The following LRGUK variants were observed in gnomAD, a reference collection of about 807,000 sequenced individuals.
The protein encoded by LRGUK is leucine-rich repeat and guanylate kinase domain-containing protein.
In LRGUK, 65 loss-of-function variants were observed where a neutral mutation model predicts 76.0. The observed-to-expected ratio is 0.85, with a 90% CI of 0.70 to 1.05. The LOEUF is 1.05. Ranked by LOEUF, LRGUK falls within the 50% of genes least tolerant of loss-of-function variation. The probability of loss-of-function intolerance (pLI) is 0.00; values close to 1 mark genes in which losing one functional copy is unlikely to be tolerated. For missense variants in LRGUK, 758 were observed against 732.8 expected, an observed-to-expected ratio of 1.03 and a Z score of -0.40; for synonymous variants, 268 against 265.6, an observed-to-expected ratio of 1.01 and a Z score of -0.09.
chr7:134,249,922 C>T (rs1585601349), intron 18 of LRGUK, among the ~76,000 whole-genome samples: 1 of 152,276 alleles, frequency 6.6e-6, no homozygotes, highest in South Asian at 2.1e-4. Flanking sequence ...TACGGGGTGC[C>T]TCTCTTGGGT....
intron 15 of LRGUK, among the ~76,000 whole-genome samples, chr7:134,217,397 A>G (rs1198354436): frequency 1.3e-5 from 2 of 152,150 alleles, no homozygotes; most frequent in Non-Finnish European, 2.9e-5. Context: ...TCCTTTGATT[A>G]GACACTCAAG....
intron 6 of LRGUK, among the ~76,000 whole-genome samples, chr7:134,160,131 A>C (rs1169194338): frequency 6.6e-6 from 1 of 152,120 alleles, no homozygotes; most frequent in Admixed American, 6.5e-5. Context: ...GTTCCCATTC[A>C]TTTAAAGTGG....
rs796130029 is a variant in LRGUK at position 134,215,990 on chromosome 7, GA to G, written c.1844-5786del. ...CTTTTTATTACAGATTGTAACCTTA[GA>G]AATTCATTATTGCAAACAACACTAA... On this transcript the variant is annotated intron_variant, in intron 15 of 19. Coordinates refer to the LRGUK transcript ENST00000285928. 2.1e-4 allele frequency among the ~76,000 whole-genome samples: 32 copies of G among 152,244 alleles called. 1 individual carries two copies. The highest frequency in any genetic ancestry group is 7.5e-4 in the African/African-American group (31 of 41,558).
chr7:134,150,479 C>CAAAAAAA (rs11403705), intron 5 of LRGUK, among the ~76,000 whole-genome samples: 10 of 134,428 alleles, frequency 7.4e-5, no homozygotes, highest in Middle Eastern at 4.0e-3. Context: ...AACAAGCAAA[C>CAAAAAAA]AAAAAAAAAA....
chr7:134,139,525 A>G lies in LRGUK; in HGVS notation c.487+8A>G. The G allele has an allele frequency of 6.4e-7, 1 of 1,566,098 alleles. No individual in the cohort carries two copies. The highest frequency in any genetic ancestry group is 8.8e-7 in the Non-Finnish European group (1 of 1,137,704). ...CAGCGAATAAAATTGAAGGTATGTAATTGTCATTCTAGATTGATCACTGAA... is the reference window on the plus strand; with the variant it reads ...CAGCGAATAAAATTGAAGGTATGTAGTTGTCATTCTAGATTGATCACTGAA... On this transcript the variant is annotated splice_region_variant and intron_variant, in intron 3 of 15. Transcript: ENST00000645682.
intron 16 of LRGUK, among the ~76,000 whole-genome samples, chr7:134,245,756 A>T (rs1474993167): frequency 1.3e-5 from 2 of 152,208 alleles, no homozygotes; most frequent in Non-Finnish European, 2.9e-5. Context: ...CTATAAAGTG[A>T]TTCCCAGCAA....
rs779998603 is a variant in LRGUK at position 134,178,504 on chromosome 7, T to A, written c.1109T>A (p.Val370Asp). 1.9e-6 allele frequency: 3 copies of A among 1,608,512 alleles called. No homozygotes were observed. The highest frequency in any genetic ancestry group is 1.7e-6 in the Non-Finnish European group (2 of 1,177,780). The stretch of plus-strand genomic sequence containing the variant: ...TTTACATCTCTAATTCTGGAAAAGG[T>A]TTCAGCAGTGAATAAATATGATCCT... The change falls in exon 10 of 16, where the codon GTT (valine) becomes GAT (aspartate). Residue 370 changes from valine to aspartate, a missense_variant and splice_region_variant. Coordinates refer to ENST00000645682, the Ensembl canonical transcript of LRGUK.
intron 13 of LRGUK, among the ~76,000 whole-genome samples, chr7:134,197,427 C>G (rs548642883): frequency 7.2e-5 from 11 of 152,168 alleles, no homozygotes; most frequent in Non-Finnish European, 1.5e-4. Context: ...AACTGCCACT[C>G]GAGCTTTATT....
At chr7:134,171,900 G>T (rs967032555) in intron 7 of LRGUK, among the ~76,000 whole-genome samples, 2 of 152,140 alleles carry the variant, frequency 1.3e-5, no homozygotes, top group Admixed American at 1.3e-4. Context: ...CGCATGCAGG[G>T]CAAGCAGTAT....
At chr7:134,235,397 C>T (rs56183330) in intron 16 of LRGUK, among the ~76,000 whole-genome samples, 12,146 of 151,708 alleles carry the variant, frequency 0.08, 914 homozygotes, top group East Asian at 0.39. Context: ...AGCCACATGG[C>T]TGACTCCCTT....
chr7:134,249,089 GT>G lies in LRGUK; in HGVS notation c.2198+17del. 3 of 1,553,934 alleles carry G rather than the reference GT, an allele frequency of 1.9e-6. No individual in the cohort carries two copies. Among genetic ancestry groups the G allele is most frequent in the South Asian group, 2.5e-5 (2 of 81,434 alleles). On this transcript the variant is annotated intron_variant, in intron 18 of 19. Transcript: ENST00000285928. ...ATCCTGAAAAGAGGTGAGTTGAGGT[GT>G]TTTGTTGGATGGAATTGGCTATTTT...
chr7:134,176,002 C>G (rs919464866), intron 8 of LRGUK, among the ~76,000 whole-genome samples: 2 of 152,042 alleles, frequency 1.3e-5, no homozygotes, highest in African/African-American at 2.4e-5. Flanking sequence ...GTTGGAGTTA[C>G]AAGACAGGGT....
At chr7:134,201,971 C>A (rs186316345) in intron 15 of LRGUK, among the ~76,000 whole-genome samples, 3,865 of 152,124 alleles carry the variant, frequency 0.025, 116 homozygotes, top group African/African-American at 0.072. Context: ...TTTGCGTTAC[C>A]CGAGTCCTCA....
At chr7:134,147,282 CA>C (rs1469853978) in intron 4 of LRGUK, among the ~76,000 whole-genome samples, 1 of 151,654 alleles carries the variant, frequency 6.6e-6, no homozygotes, top group Non-Finnish European at 1.5e-5. Context: ...ACAACAACAA[CA>C]AAAAACCCGG....
intron 1 of LRGUK, among the ~76,000 whole-genome samples, chr7:134,134,793 C>G (rs537599909): frequency 2.0e-4 from 31 of 152,284 alleles, no homozygotes; most frequent in African/African-American, 7.2e-4. Context: ...TTGTGAACAG[C>G]CTGATTGGCA....
chr7:134,210,464 C>G (rs1297389829), downstream of LRGUK, among the ~76,000 whole-genome samples: 1 of 152,176 alleles, frequency 6.6e-6, no homozygotes, highest in East Asian at 1.9e-4. Flanking sequence ...TGTGTCCAAA[C>G]AAGGGCCATC....
intron 9 of LRGUK, among the ~76,000 whole-genome samples, chr7:134,177,811 A>T (rs1419129849): frequency 2.6e-5 from 4 of 152,200 alleles, no homozygotes; most frequent in Non-Finnish European, 5.9e-5. Flanking sequence ...TTATTCTCAC[A>T]CTCAAAGGTA....
intron 11 of LRGUK, among the ~76,000 whole-genome samples, chr7:134,190,043 T>C (rs960744710): frequency 3.9e-5 from 6 of 152,214 alleles, no homozygotes; most frequent in Non-Finnish European, 8.8e-5. Flanking sequence ...GAATTGACTT[T>C]TGAGTCATCC....
intron 3 of LRGUK, 95 bp from the exon 4 acceptor site, chr7:134,142,967 T>C: frequency 1.5e-6 from 1 of 670,468 alleles, no homozygotes; most frequent in Non-Finnish European, 2.6e-6. Flanking sequence ...ACTGTTATAA[T>C]TTTAAAATAT....
Sources: allele counts gnomAD v4.1 joint callset (sites outside exome capture counted in the v4.1 genomes callset), GRCh38; gene constraint gnomAD v4.1.1; transcripts MANE v1.5; gene names NCBI Gene and HGNC (gene_info 2026-07-23, HGNC 2026-07-21).